The following LARGE1 variants were observed in gnomAD, a reference collection of about 807,000 sequenced individuals.
LARGE1 encodes the protein xylosyl- and glucuronyltransferase LARGE1.
Under a neutral mutation model 87.6 loss-of-function variants are expected in LARGE1, and 43 were observed. The observed-to-expected ratio is 0.49, with a 90% confidence interval of 0.38 to 0.63. LARGE1 has a LOEUF of 0.63. Among genes scored for constraint, LARGE1 ranks in the 30% least tolerant of loss-of-function variants. LARGE1 has a pLI of 0.00. For missense variants in LARGE1, 802 were observed against 1,000.2 expected (o/e 0.80, Z 2.67); for synonymous variants, 434 against 394.6 (o/e 1.10, Z -1.18).
At chr22:33,082,109 G>T in the LARGE1 span, among the ~76,000 whole-genome samples, 1 of 152,082 alleles carries the variant, frequency 6.6e-6, no homozygotes, top group Non-Finnish European at 1.5e-5. Context: ...TTTTCAACCA[G>T]CCAAGAGTAT....
chr22:33,075,828 C>T, the LARGE1 span, among the ~76,000 whole-genome samples: 6 of 152,106 alleles, frequency 3.9e-5, no homozygotes, highest in Non-Finnish European at 2.9e-5. Flanking sequence ...AGAAACATAA[C>T]AAATGGAAAA....
chr22:33,871,082 C>G (rs1448661227), intron 1 of LARGE1, among the ~76,000 whole-genome samples: 1 of 152,194 alleles, frequency 6.6e-6, no homozygotes, highest in Non-Finnish European at 1.5e-5. Context: ...ACTTTGTATT[C>G]CACCTGCTGA....
At chr22:33,921,037 G>T (rs1162189093), upstream of LARGE1, among the ~76,000 whole-genome samples, 61 of 149,982 alleles carry the variant, frequency 4.1e-4, no homozygotes, top group Non-Finnish European at 1.8e-4. This position sits in a 1 kb window ranked among gnomAD's most constrained non-coding sequence, Gnocchi z 4.1. Context: ...CTGTGCAGCC[G>T]GGGGGGACCG....
At chr22:33,104,931 C>A in the LARGE1 span, among the ~76,000 whole-genome samples, 1 of 142,360 alleles carries the variant, frequency 7.0e-6, no homozygotes, top group Admixed American at 7.1e-5. Flanking sequence ...TTCTTTCTTT[C>A]TTTCTTTCTT....
intron 2 of LARGE1, among the ~76,000 whole-genome samples, chr22:33,713,925 C>T (rs1488803420): frequency 6.6e-6 from 1 of 151,996 alleles, no homozygotes; most frequent in Admixed American, 6.6e-5. Context: ...TGCTGCACTC[C>T]AGCCTGGGTG....
intron 2 of LARGE1, among the ~76,000 whole-genome samples, chr22:33,741,951 C>T (rs545917783): frequency 6.6e-6 from 1 of 152,308 alleles, no homozygotes; most frequent in South Asian, 2.1e-4. Context: ...TCAGATACCC[C>T]ACTTTTAACC....
chr22:33,466,876 T>TA (rs2148063588), intron 6 of LARGE1, among the ~76,000 whole-genome samples: 1 of 152,062 alleles, frequency 6.6e-6, no homozygotes, highest in Non-Finnish European at 1.5e-5. Context: ...CAGTCTCTAC[T>TA]AAAAACAAAA....
At chr22:33,165,069 G>A (rs2146121718) in exon 12 of LARGE1, 1 of 152,124 alleles carries the variant, frequency 6.6e-6, no homozygotes, top group South Asian at 2.1e-4. Flanking sequence ...CTGAGTGACG[G>A]GACCAATCGT....
intron 11 of LARGE1, among the ~76,000 whole-genome samples, chr22:33,216,544 G>A (rs558783438): frequency 7.3e-5 from 11 of 151,130 alleles, no homozygotes; most frequent in Non-Finnish European, 8.8e-5. Flanking sequence ...CAGAAGAATG[G>A]TGTGAACCCA....
chr22:33,912,144 C>T (rs2065656225), intron 1 of LARGE1, among the ~76,000 whole-genome samples: 1 of 152,172 alleles, frequency 6.6e-6, no homozygotes, highest in Non-Finnish European at 1.5e-5. Flanking sequence ...TGAGAGCTGA[C>T]ATCAGTCAAG....
chr22:33,195,879 C>T (rs1924048020), intron 11 of LARGE1, among the ~76,000 whole-genome samples: 1 of 151,440 alleles, frequency 6.6e-6, no homozygotes, highest in Admixed American at 6.6e-5. Context: ...CTCAGCCTCC[C>T]AAGTAGCTGG....
intron 4 of LARGE1, among the ~76,000 whole-genome samples, chr22:33,609,216 C>G (rs556989971): frequency 1.1e-4 from 17 of 152,252 alleles, no homozygotes; most frequent in Non-Finnish European, 1.5e-4. Context: ...CAGAGGAAGA[C>G]AGAATACAAA....
At chr22:33,374,125 A>G (rs770713631) in intron 9 of LARGE1, among the ~76,000 whole-genome samples, 1 of 152,178 alleles carries the variant, frequency 6.6e-6, no homozygotes. Flanking sequence ...ACTAAGGACC[A>G]TGTATTCCCC....
At chr22:33,264,931 T>A (rs1927849206) in intron 11 of LARGE1, among the ~76,000 whole-genome samples, 1 of 131,344 alleles carries the variant, frequency 7.6e-6, no homozygotes, top group African/African-American at 2.8e-5. Flanking sequence ...AGTCTCGCTC[T>A]ACTGCCCAGG....
chr22:33,324,345 C>T (rs1318040609), intron 10 of LARGE1, among the ~76,000 whole-genome samples: 1 of 148,212 alleles, frequency 6.7e-6, no homozygotes, highest in African/African-American at 2.5e-5. Flanking sequence ...AACCTGCCTC[C>T]TTTTCACCCA....
At chr22:33,555,853 C>T (rs1002469262) in intron 6 of LARGE1, among the ~76,000 whole-genome samples, 1 of 150,904 alleles carries the variant, frequency 6.6e-6, no homozygotes, top group African/African-American at 2.4e-5. Context: ...CTGCCTGAGC[C>T]CGGGAGGTGG....
chr22:33,381,074 C>A (rs2065139059), intron 9 of LARGE1, among the ~76,000 whole-genome samples: 1 of 152,204 alleles, frequency 6.6e-6, no homozygotes. Flanking sequence ...GCTTCCTCTG[C>A]CACCTCTGCC....
intron 11 of LARGE1, among the ~76,000 whole-genome samples, chr22:33,211,417 T>G (rs1425085554): frequency 6.6e-6 from 1 of 152,228 alleles, no homozygotes; most frequent in Non-Finnish European, 1.5e-5. Flanking sequence ...GGCCAAAAGC[T>G]AGGCCTCTTG....
At chr22:33,224,993 G>A (rs1409773822) in intron 11 of LARGE1, among the ~76,000 whole-genome samples, 2 of 152,230 alleles carry the variant, frequency 1.3e-5, no homozygotes, top group African/African-American at 4.8e-5. Flanking sequence ...CACCTGCCAG[G>A]TCGCTGACTG....
Sources: gnomAD v4.1 joint callset for allele counts (sites outside exome capture counted in the v4.1 genomes callset) on GRCh38, gnomAD v4.1.1 for gene constraint, Gnocchi (gnomAD v3.1) non-coding constraint, MANE v1.5 for transcripts, NCBI Gene and HGNC (gene_info 2026-07-23, HGNC 2026-07-21) for gene names.